The following POR variants were observed in gnomAD, a reference collection of about 807,000 sequenced individuals.
The protein encoded by POR is NADPH--cytochrome P450 reductase.
POR carries 56 observed loss-of-function variants against 84.0 expected under a neutral mutation model. That is an observed-to-expected ratio of 0.67 (90% CI 0.54 to 0.83). POR has a LOEUF of 0.83. POR is among the 40% of genes least tolerant of loss of function. The pLI is 0.00. For synonymous variants in POR, 414 were observed against 400.5 expected (o/e 1.03, Z -0.40); for missense variants, 938 against 944.3 (o/e 0.99, Z 0.09).
chr7:75,925,122 C>G (rs1178040369), intron 1 of POR, among the ~76,000 whole-genome samples: 11 of 152,112 alleles, frequency 7.2e-5, no homozygotes, highest in African/African-American at 2.7e-4. Flanking sequence ...TGGTTGAGCA[C>G]ACAGCTCTGC....
In POR at chr7:75,985,138, C is replaced by T. The variant is rs781992345; in HGVS notation, c.1329C>T (p.Pro443=). ...AGGACTGCCCGTCCCTGCGGCCCCCCATCGACCACCTGTGTGAGCTGCTGC... is the reference window on the plus strand; with the variant it reads ...AGGACTGCCCGTCCCTGCGGCCCCCTATCGACCACCTGTGTGAGCTGCTGC... Residue 443 remains proline, a synonymous_variant, in exon 12 of 16, where the codon CCC becomes CCT. Coordinates refer to ENST00000461988, the MANE Select transcript of POR (RefSeq NM_000941.3). The T allele has an allele frequency of 8.7e-6, 14 of 1,600,002 alleles. No individual in the cohort carries two copies. Among genetic ancestry groups the T allele is most frequent in the Non-Finnish European group, 1.2e-5 (14 of 1,179,574 alleles).
intron 4 of POR, 59 bp from the exon 5 acceptor site, chr7:75,980,280 G>A: frequency 6.3e-7 from 1 of 1,575,404 alleles, no homozygotes; most frequent in Non-Finnish European, 8.7e-7. Flanking sequence ...TCTGGTGCGG[G>A]TTGAACCTTG....
At chr7:75,967,419 G>A (rs782704839) in intron 2 of POR, among the ~76,000 whole-genome samples, 1 of 152,128 alleles carries the variant, frequency 6.6e-6, no homozygotes, top group Non-Finnish European at 1.5e-5. Context: ...GTCTTTCATG[G>A]CACACAGGAT....
chr7:75,923,946 A>G (rs1806995046), intron 1 of POR, among the ~76,000 whole-genome samples: 1 of 152,032 alleles, frequency 6.6e-6, no homozygotes, highest in Admixed American at 6.6e-5. Context: ...GGCACCTCTC[A>G]TCACAGTCCA....
In POR at chr7:75,971,881, G is replaced by A. The variant is rs1399766523; in HGVS notation, c.189-532G>A. On this transcript the variant is annotated intron_variant, in intron 2 of 15. Transcript: ENST00000461988. ...CAAGCTTGGTTTGTGGAGGGGAGTGGCAGGTGACGCTGGAGACAGACTCTG... is the reference window on the plus strand; with the variant it reads ...CAAGCTTGGTTTGTGGAGGGGAGTGACAGGTGACGCTGGAGACAGACTCTG... 4.6e-5 allele frequency among the ~76,000 whole-genome samples: 7 copies of A among 152,084 alleles called. No individual in the cohort carries two copies. In the East Asian group the frequency reaches 9.7e-4, roughly 21 times the overall value.
intron 1 of POR, among the ~76,000 whole-genome samples, chr7:75,918,387 G>A (rs994792213): frequency 2.0e-5 from 3 of 152,126 alleles, no homozygotes; most frequent in African/African-American, 4.8e-5. Flanking sequence ...TGGACCCGCC[G>A]GGCAGGTGGG....
At chr7:75,984,443 G>A (rs12534946) in intron 10 of POR, among the ~76,000 whole-genome samples, 29,565 of 152,168 alleles carry the variant, frequency 0.19, 3,675 homozygotes, top group East Asian at 0.42. Flanking sequence ...CCTTACTGTC[G>A]GCTTCCACAG....
chr7:75,965,503 C>T (rs1585115057), intron 2 of POR, among the ~76,000 whole-genome samples: 1 of 152,074 alleles, frequency 6.6e-6, no homozygotes, highest in East Asian at 1.9e-4. Flanking sequence ...GCCACCCCAG[C>T]CCACCCCTCC....
chr7:75,977,159 G>A (rs1788735425), intron 3 of POR, among the ~76,000 whole-genome samples: 1 of 152,122 alleles, frequency 6.6e-6, no homozygotes, highest in Non-Finnish European at 1.5e-5. Context: ...GGCCGCGTAA[G>A]TTTTATTTTG....
intron 2 of POR, among the ~76,000 whole-genome samples, chr7:75,962,343 G>A (rs566890749): frequency 6.6e-6 from 1 of 152,204 alleles, no homozygotes; most frequent in Admixed American, 6.5e-5. Context: ...ACCCAGGCTG[G>A]AGTGCAGGGG....
intron 7 of POR, 101 bp downstream of exon 7, chr7:75,981,707 G>A: frequency 1.0e-6 from 1 of 978,568 alleles, no homozygotes; most frequent in Non-Finnish European, 1.5e-6. Context: ...AGCAAGGTTA[G>A]AAGACACTCC....
At position 75,968,329 on chromosome 7, in the gene POR, G is replaced by C. The variant is rs1554555652; in HGVS notation, c.189-4084G>C. The C allele has an allele frequency of 8.6e-6, 4 of 463,842 alleles. No individual in the cohort carries two copies. In the East Asian group the frequency reaches 2.8e-4, roughly 32 times the overall value. The allele number at this position is 463,842 out of a possible 1,614,324, so 28.7% of individuals were successfully genotyped here. On this transcript the variant is annotated intron_variant, in intron 2 of 15. Transcript: ENST00000461988. ...CTGTCTCTGGCGAGGGACTCAGCCA[G>C]GCCTAGGCACTGGTGGCCCCTCTGG...
chr7:75,961,694 C>A (rs1787949283), intron 2 of POR, among the ~76,000 whole-genome samples: 1 of 152,180 alleles, frequency 6.6e-6, no homozygotes, highest in Non-Finnish European at 1.5e-5. Context: ...TGTCATATTT[C>A]ATCAGGAAAT....
chr7:75,945,373 CTGAG>C (rs1554552018), intron 1 of POR: 1 of 152,176 alleles, frequency 6.6e-6, no homozygotes, highest in East Asian at 1.9e-4. Context: ...ATTCAAGAAA[CTGAG>C]TGAACCCCAC....
At chr7:75,942,834 G>A (rs1214566166) in intron 1 of POR, among the ~76,000 whole-genome samples, 1 of 151,744 alleles carries the variant, frequency 6.6e-6, no homozygotes, top group African/African-American at 2.4e-5. Context: ...CTGCTGTTTT[G>A]CCTTATAATT....
chr7:75,948,492 C>T (rs547432762), intron 1 of POR, among the ~76,000 whole-genome samples: 2 of 152,272 alleles, frequency 1.3e-5, no homozygotes, highest in African/African-American at 2.4e-5. Context: ...GTGGTCCTGA[C>T]TGTGAACTCC....
At chr7:75,975,801 A>G (rs1378092169) in intron 3 of POR, among the ~76,000 whole-genome samples, 1 of 128,886 alleles carries the variant, frequency 7.8e-6, no homozygotes, top group South Asian at 2.4e-4. Flanking sequence ...TTGAGGAAAA[A>G]AAAGCTGTTC....
intron 2 of POR, among the ~76,000 whole-genome samples, chr7:75,970,315 G>T (rs1350306318): frequency 1.3e-5 from 2 of 151,814 alleles, no homozygotes; most frequent in Admixed American, 1.3e-4. Context: ...TGATTTACAG[G>T]GTCTCCCTCT....
intron 2 of POR, chr7:75,968,294 G>A: frequency 2.1e-6 from 1 of 468,010 alleles, no homozygotes; most frequent in South Asian, 1.6e-5. Context: ...CATTCCCAGG[G>A]TTGCTGCCCC....
Sources: gnomAD v4.1 joint callset for allele counts (sites outside exome capture counted in the v4.1 genomes callset) on GRCh38, gnomAD v4.1.1 for gene constraint, MANE v1.5 for transcripts, NCBI Gene and HGNC (gene_info 2026-07-23, HGNC 2026-07-21) for gene names.